CCDC3: variants seen among roughly 807,000 people sequenced by gnomAD.
CCDC3 encodes coiled-coil domain-containing protein 3.
Under a neutral mutation model 21.4 loss-of-function variants are expected in CCDC3, and 24 were observed. The ratio of observed to expected loss-of-function variants is 1.12; its 90% confidence interval spans 0.81 to 1.58. The LOEUF (loss-of-function observed/expected upper bound fraction) is 1.58. Among genes scored for constraint, CCDC3 ranks in the 40% most tolerant of loss-of-function variants. The pLI, the probability that CCDC3 is intolerant of heterozygous loss-of-function variation, is 0.00. For synonymous variants in CCDC3, 186 were observed against 166.0 expected, an observed-to-expected ratio of 1.12 and a Z score of -0.93; for missense variants, 425 against 360.9, an observed-to-expected ratio of 1.18 and a Z score of -1.44.
intron 5 of CCDC3, among the ~76,000 whole-genome samples, chr10:13,034,166 A>G (rs1191768659): frequency 6.6e-6 from 1 of 152,204 alleles, no homozygotes. Context: ...ACAGCCATAA[A>G]GAAGGATGAA....
intron 3 of CCDC3, among the ~76,000 whole-genome samples, chr10:13,085,977 A>G (rs562905345): frequency 8.6e-5 from 13 of 152,046 alleles, no homozygotes; most frequent in Admixed American, 6.6e-4. Context: ...AAAAAAAAAA[A>G]AAAGAAAGAA....
intron 2 of CCDC3, among the ~76,000 whole-genome samples, chr10:12,902,173 T>G (rs1834103164): frequency 6.6e-6 from 1 of 152,212 alleles, no homozygotes. Context: ...CCCTGGCCTT[T>G]TTAGGCCTAC....
At chr10:13,099,350 T>C (rs1832685289) in intron 1 of CCDC3, 1 of 151,570 alleles carries the variant, frequency 6.6e-6, no homozygotes, top group South Asian at 2.1e-4. Context: ...TTTGTTTTTT[T>C]TCTCTCCCTC....
chr10:13,067,390 G>GT (rs1328025148), intron 4 of CCDC3, among the ~76,000 whole-genome samples: 1 of 103,552 alleles, frequency 9.7e-6, no homozygotes, highest in Non-Finnish European at 1.9e-5. Context: ...TTAAGTGAGA[G>GT]GTTTTTTTTT....
upstream of CCDC3, among the ~76,000 whole-genome samples, chr10:13,005,081 A>G (rs970624221): frequency 2.0e-5 from 3 of 152,176 alleles, no homozygotes; most frequent in Non-Finnish European, 4.4e-5. Flanking sequence ...ATCAGTGTCC[A>G]TGTGTACTCC....
chr10:12,913,789 T>G (rs1034944857), intron 2 of CCDC3, among the ~76,000 whole-genome samples: 1 of 152,254 alleles, frequency 6.6e-6, no homozygotes, highest in Non-Finnish European at 1.5e-5. Context: ...TTTTTTATCA[T>G]TAAAGGAAGT....
intron 5 of CCDC3, among the ~76,000 whole-genome samples, chr10:13,020,251 C>G (rs1397586278): frequency 6.6e-6 from 1 of 152,188 alleles, no homozygotes; most frequent in Non-Finnish European, 1.5e-5. Flanking sequence ...ATTTGTTTCA[C>G]ACAAATTCAG....
intron 4 of CCDC3, chr10:13,058,310 A>C (rs1424897157): frequency 7.4e-7 from 1 of 1,355,290 alleles, no homozygotes; most frequent in Non-Finnish European, 1.0e-6. Flanking sequence ...AGTCACCTTC[A>C]CTTGGCCTTC....
chr10:13,074,557 A>G (rs1239809516), intron 3 of CCDC3, among the ~76,000 whole-genome samples: 1 of 151,410 alleles, frequency 6.6e-6, no homozygotes, highest in Non-Finnish European at 1.5e-5. Context: ...GCTCACTTGA[A>G]CTAACTCTCC....
chr10:12,981,037 A>G (rs112890684), intron 2 of CCDC3, among the ~76,000 whole-genome samples: 7 of 151,828 alleles, frequency 4.6e-5, no homozygotes, highest in Non-Finnish European at 1.0e-4. Context: ...ATGGAAGATT[A>G]GACTTTTTTT....
chr10:13,027,258 A>G (rs1007367616), intron 5 of CCDC3, among the ~76,000 whole-genome samples: 2 of 152,162 alleles, frequency 1.3e-5, no homozygotes, highest in African/African-American at 4.8e-5. Flanking sequence ...GACGTTTCTC[A>G]GAACCCAAAG....
chr10:12,916,774 C>G (rs1462569485), intron 2 of CCDC3, among the ~76,000 whole-genome samples: 1 of 152,160 alleles, frequency 6.6e-6, no homozygotes, highest in Admixed American at 6.5e-5. Context: ...TGGCCTAGCA[C>G]AAGGCTGGCC....
chr10:13,004,059 A>G (rs1835897113), upstream of CCDC3, among the ~76,000 whole-genome samples: 1 of 152,192 alleles, frequency 6.6e-6, no homozygotes, highest in Admixed American at 6.5e-5. Context: ...CAAGGTAGCC[A>G]GGAGGGGAAA....
chr10:12,932,850 T>G (rs1446492739), intron 2 of CCDC3, among the ~76,000 whole-genome samples: 1 of 152,228 alleles, frequency 6.6e-6, no homozygotes, highest in African/African-American at 2.4e-5. Context: ...ACTCCGAGTT[T>G]GCTGATAGTT....
At chr10:13,017,439 C>T (rs929529137) in intron 5 of CCDC3, among the ~76,000 whole-genome samples, 1 of 150,118 alleles carries the variant, frequency 6.7e-6, no homozygotes, top group African/African-American at 2.4e-5. Flanking sequence ...ATTGCTTGAA[C>T]CCGGGAGGTG....
rs2484064 is a variant in CCDC3, at chr10:13,034,895, G to A, written c.-2+14779C>T. On this transcript the variant is annotated intron_variant, in intron 5 of 6. Coordinates refer to the CCDC3 transcript ENST00000378839. ...CAAAAAATTAGCCAGGCATGTTGGC[G>A]GATGCCTGTAATCCCAGCTACTTGG... 4.3e-3 allele frequency among the ~76,000 whole-genome samples: 655 copies of A among 152,036 alleles called. 7 individuals are homozygous for A. Among genetic ancestry groups the A allele is most frequent in the African/African-American group, 0.015 (621 of 41,488 alleles).
chr10:12,960,168 A>AACACACACACACAC (rs10626900), intron 2 of CCDC3, among the ~76,000 whole-genome samples: 1,539 of 148,834 alleles, frequency 0.01, 21 homozygotes, highest in African/African-American at 0.026. Flanking sequence ...ACACACACAC[A>AACACACACACACAC]ACACACACAC....
chr10:13,097,561 G>T (rs1659849), intron 3 of CCDC3, among the ~76,000 whole-genome samples: 147,688 of 152,206 alleles, frequency 0.97, 71,833 homozygotes, highest in East Asian at 1. Context: ...TCATCAATAC[G>T]AAAAATGCAA....
chr10:13,068,449 A>G (rs1836847005), intron 4 of CCDC3, among the ~76,000 whole-genome samples: 1 of 152,252 alleles, frequency 6.6e-6, no homozygotes, highest in African/African-American at 2.4e-5. Context: ...GGTACCTTTC[A>G]GTTCACATGA....
Sources: allele counts gnomAD v4.1 joint callset (sites outside exome capture counted in the v4.1 genomes callset), GRCh38; gene constraint gnomAD v4.1.1; transcripts MANE v1.5; gene names NCBI Gene and HGNC (gene_info 2026-07-23, HGNC 2026-07-21).